Variants in TEX2 observed in about 807,000 individuals in gnomAD.
TEX2 encodes testis expressed 2.
A neutral mutation model predicts 106.9 loss-of-function variants in TEX2; 53 were observed. The observed-to-expected ratio is 0.50, with a 90% confidence interval of 0.40 to 0.62. TEX2 has a LOEUF of 0.62. Among genes scored for constraint, TEX2 ranks in the 20% least tolerant of loss-of-function variants. The probability of loss-of-function intolerance (pLI) is 0.00; values close to 1 mark genes in which losing one functional copy is unlikely to be tolerated. For synonymous variants in TEX2, 523 were observed against 534.8 expected, an observed-to-expected ratio of 0.98 and a Z score of 0.30; for missense variants, 1,207 against 1,379.0, an observed-to-expected ratio of 0.88 and a Z score of 1.98.
intron 6 of TEX2, among the ~76,000 whole-genome samples, chr17:64,176,918 G>C (rs1183534618): frequency 6.6e-6 from 1 of 152,204 alleles, no homozygotes; most frequent in Non-Finnish European, 1.5e-5. Flanking sequence ...TAAGTAATTT[G>C]TATTTTCCTC....
At chr17:64,240,191 A>T (rs1404599118) in intron 1 of TEX2, among the ~76,000 whole-genome samples, 11 of 151,838 alleles carry the variant, frequency 7.2e-5, no homozygotes, top group African/African-American at 2.7e-4. Context: ...TTCCTCTATG[A>T]TCTTTATATA....
chr17:64,230,106 G>C (rs1293549852), intron 1 of TEX2, among the ~76,000 whole-genome samples: 1 of 152,122 alleles, frequency 6.6e-6, no homozygotes, highest in African/African-American at 2.4e-5. Flanking sequence ...CCAGGTTTAA[G>C]ATGTGTGCAT....
rs71675328 is a variant in TEX2, at chr17:64,147,833, AC to A, written c.*1135del. 8,321 of 152,752 alleles carry A rather than the reference AC, an allele frequency of 0.054. 283 individuals are homozygous for A. The highest frequency in any genetic ancestry group is 0.079 in the Non-Finnish European group (5,369 of 68,030). The allele number at this position is 152,752 out of a possible 1,614,324, so 9.5% of individuals were successfully genotyped here. ...CCACACATGTAAGTTATCAAAAGTT[AC>A]CCAAGGTAATTTTGACGTTGAATGC... On this transcript the variant is annotated 3_prime_UTR_variant, in exon 12 of 12. Coordinates refer to ENST00000584379, the MANE Select transcript of TEX2 (RefSeq NM_001288732.2).
intron 2 of TEX2, among the ~76,000 whole-genome samples, chr17:64,211,431 C>G (rs1319994418): frequency 6.6e-6 from 1 of 152,136 alleles, no homozygotes; most frequent in East Asian, 1.9e-4. Context: ...TCCACCTTAT[C>G]TCTAAAAACA....
chr17:64,180,577 TAAGA>T (rs2031814205), intron 5 of TEX2, among the ~76,000 whole-genome samples: 1 of 152,232 alleles, frequency 6.6e-6, no homozygotes, highest in African/African-American at 2.4e-5. Flanking sequence ...CATAAAAATT[TAAGA>T]GTTTAAAGAA....
intron 7 of TEX2, among the ~76,000 whole-genome samples, chr17:64,169,278 A>G (rs1380170300): frequency 6.6e-6 from 1 of 152,144 alleles, no homozygotes; most frequent in Admixed American, 6.5e-5. Flanking sequence ...GTCTCAAGTG[A>G]TCTACCTGCC....
At chr17:64,220,178 A>G (rs995061828) in intron 1 of TEX2, among the ~76,000 whole-genome samples, 32 of 152,084 alleles carry the variant, frequency 2.1e-4, no homozygotes, top group Non-Finnish European at 3.2e-4. Context: ...ATAACAAACA[A>G]CTTGACACCT....
At chr17:64,228,568 G>A (rs1278208641) in intron 1 of TEX2, among the ~76,000 whole-genome samples, 1 of 152,116 alleles carries the variant, frequency 6.6e-6, no homozygotes, top group African/African-American at 2.4e-5. Context: ...AATCTGTGCC[G>A]CTACTGATGT....
In TEX2 at chr17:64,203,953, A is replaced by G. The variant is rs981944026; in HGVS notation, c.1644+8621T>C. ...GTGGCCATAGAACATTTTTGAAATT[A>G]TAATGCACTGACAGACAGTAATAGA... is the stretch of plus-strand genomic sequence containing the variant. On this transcript the variant is annotated intron_variant, in intron 2 of 11. Transcript: ENST00000584379. Among the ~76,000 whole-genome samples, 3 of 152,330 alleles carry G rather than the reference A, an allele frequency of 2.0e-5. 1 individual carries two copies. In the South Asian group the frequency reaches 6.2e-4, roughly 32 times the overall value.
chr17:64,192,980 A>G (rs1484779329), intron 4 of TEX2, among the ~76,000 whole-genome samples: 1 of 152,206 alleles, frequency 6.6e-6, no homozygotes, highest in African/African-American at 2.4e-5. Context: ...CCTGACTCAT[A>G]CGTGCCAGTT....
intron 1 of TEX2, among the ~76,000 whole-genome samples, chr17:64,236,154 A>T (rs2033761688): frequency 6.6e-6 from 1 of 152,146 alleles, no homozygotes; most frequent in East Asian, 1.9e-4. Flanking sequence ...CAGATCGAAA[A>T]TATTCGGGGA....
rs2032047583 is a variant in TEX2, at chr17:64,185,679, T to C, written c.2424+2489A>G. ...TGGCTCACGCTGTAATTCCACCACT[T>C]TGGGAGGCCGAGGAGAGTGGATCAC... On this transcript the variant is annotated intron_variant, in intron 5 of 11. Transcript: ENST00000584379. The surrounding 1 kb of genome is among the most constrained non-coding windows in gnomAD (Gnocchi z 4.0). Among the ~76,000 whole-genome samples the C allele has an allele frequency of 6.6e-6, 1 of 151,990 alleles. No individual in the cohort carries two copies. The highest frequency in any genetic ancestry group is 2.1e-4 in the South Asian group (1 of 4,816).
At chr17:64,156,085 T>C (rs1274498615) in intron 8 of TEX2, 1 of 152,258 alleles carries the variant, frequency 6.6e-6, no homozygotes, top group East Asian at 1.9e-4. Flanking sequence ...TGCAGTCCTT[T>C]GGTTTTCCTG....
intron 5 of TEX2, among the ~76,000 whole-genome samples, chr17:64,179,616 A>T (rs1003818732): frequency 6.6e-6 from 1 of 152,122 alleles, no homozygotes; most frequent in African/African-American, 2.4e-5. Context: ...CCAACTCCAC[A>T]TACATTGCCA....
At position 64,152,066 on chromosome 17, in the gene TEX2, T is replaced by C. The variant is rs149914661; in HGVS notation, c.3140+879A>G. ...CAATTCAAAACCCCTCTTCTGATCA[T>C]TCCTACAAATCCTTCTGAATACCGA... On this transcript the variant is annotated intron_variant, in intron 10 of 11. Coordinates refer to ENST00000584379, the MANE Select transcript of TEX2 (RefSeq NM_001288732.2). Among the ~76,000 whole-genome samples, 271 of 152,342 alleles carry C rather than the reference T, an allele frequency of 1.8e-3. 1 individual carries two copies. Among genetic ancestry groups the C allele is most frequent in the African/African-American group, 6.3e-3 (261 of 41,568 alleles).
intron 1 of TEX2, among the ~76,000 whole-genome samples, chr17:64,258,511 T>G (rs1378274043): frequency 5.3e-5 from 8 of 152,172 alleles, no homozygotes; most frequent in East Asian, 3.8e-4. Flanking sequence ...GTATAAAGTT[T>G]AAAGGTAGGA....
chr17:64,167,009 G>C (rs1254990027), intron 7 of TEX2, among the ~76,000 whole-genome samples: 1 of 152,182 alleles, frequency 6.6e-6, no homozygotes, highest in South Asian at 2.1e-4. Context: ...GGTGTGTGTG[G>C]AGTGAGGAGG....
At position 64,263,216 on chromosome 17, in the gene TEX2, C is replaced by T. The variant is rs1476543088; in HGVS notation, c.-74G>A. Reference sequence around the variant, plus strand: ...TGTACTATGCCGGCGCCCGTGCTCCCGGCCGCGCGACTCCGGCTTCGGCTG... The same window carrying T: ...TGTACTATGCCGGCGCCCGTGCTCCTGGCCGCGCGACTCCGGCTTCGGCTG... On this transcript the variant is annotated 5_prime_UTR_variant, in exon 1 of 12. Coordinates refer to ENST00000584379, the MANE Select transcript of TEX2 (RefSeq NM_001288732.2). 9.9e-5 allele frequency: 15 copies of T among 151,372 alleles called. No homozygotes were observed. In the South Asian group the frequency reaches 2.2e-3, roughly 22 times the overall value. The allele number at this position is 151,372 out of a possible 1,614,324, so 9.4% of individuals were successfully genotyped here.
intron 1 of TEX2, among the ~76,000 whole-genome samples, chr17:64,231,262 C>T (rs1249495581): frequency 6.6e-6 from 1 of 150,462 alleles, no homozygotes; most frequent in African/African-American, 2.5e-5. Flanking sequence ...GCTCTCTATC[C>T]CAGTGCTTCA....
Sources: gnomAD v4.1 joint callset for allele counts (sites outside exome capture counted in the v4.1 genomes callset) on GRCh38, gnomAD v4.1.1 for gene constraint, Gnocchi (gnomAD v3.1) non-coding constraint, MANE v1.5 for transcripts, NCBI Gene and HGNC (gene_info 2026-07-23, HGNC 2026-07-21) for gene names.